The following ABCC4 variants were observed in gnomAD, a reference collection of about 807,000 sequenced individuals.
ABCC4 encodes ATP binding cassette subfamily C member 4 (PEL blood group).
A neutral mutation model predicts 168.5 loss-of-function variants in ABCC4; 102 were observed. The ratio of observed to expected loss-of-function variants is 0.61; its 90% confidence interval spans 0.52 to 0.71. The LOEUF (loss-of-function observed/expected upper bound fraction) is 0.71, where lower values mean the gene tolerates loss of function less well. Among genes scored for constraint, ABCC4 ranks in the 30% least tolerant of loss-of-function variants. The pLI is 0.00. For missense variants in ABCC4, 1,402 were observed against 1,605.8 expected, an observed-to-expected ratio of 0.87 and a Z score of 2.17; for synonymous variants, 617 against 590.7, an observed-to-expected ratio of 1.04 and a Z score of -0.65.
At chr13:95,202,870 G>C (rs2038671094) in intron 8 of ABCC4, among the ~76,000 whole-genome samples, 1 of 151,984 alleles carries the variant, frequency 6.6e-6, no homozygotes, top group Non-Finnish European at 1.5e-5. Flanking sequence ...ATGCTGGCCA[G>C]GCTGGTCTAG....
intron 8 of ABCC4, among the ~76,000 whole-genome samples, chr13:95,202,816 T>C (rs1169388264): frequency 6.6e-6 from 1 of 151,536 alleles, no homozygotes; most frequent in Non-Finnish European, 1.5e-5. Context: ...GCCCAGCTGA[T>C]TTTGTTGTTG....
rs578056554 is a variant in ABCC4 at position 95,113,343 on chromosome 13, T to G, written c.2535+2579A>C. 2.0e-5 allele frequency among the ~76,000 whole-genome samples: 3 copies of G among 152,318 alleles called. No homozygotes were observed. The South Asian group carries it at 6.2e-4, about 32-fold the overall frequency. On this transcript the variant is annotated intron_variant, in intron 20 of 30. Transcript: ENST00000645237. ...CATTCGGCTCAGCTAGCAGAGCTAA[T>G]AGGCTTCTAATTAATTTCCAGAAGA...
At chr13:95,211,309 G>A (rs1193198640) in intron 4 of ABCC4, among the ~76,000 whole-genome samples, 1 of 152,178 alleles carries the variant, frequency 6.6e-6, no homozygotes, top group Non-Finnish European at 1.5e-5. Context: ...CAGATACAGT[G>A]ACACAGTCAT....
intron 4 of ABCC4, among the ~76,000 whole-genome samples, chr13:95,212,499 G>C (rs988355722): frequency 3.3e-5 from 5 of 152,182 alleles, no homozygotes; most frequent in African/African-American, 1.2e-4. Context: ...CCCTTTTCAA[G>C]AAATCTGAAG....
intron 1 of ABCC4, among the ~76,000 whole-genome samples, chr13:95,292,983 G>T (rs1348465151): frequency 1.3e-5 from 2 of 152,100 alleles, no homozygotes; most frequent in Admixed American, 6.6e-5. Context: ...TGTAACAAAC[G>T]CTACCGGCTG....
intron 8 of ABCC4, 138 bp from the exon 9 acceptor site, chr13:95,195,075 C>T (rs539015810): frequency 3.1e-6 from 2 of 638,596 alleles, no homozygotes; most frequent in Non-Finnish European, 5.5e-6. Flanking sequence ...TTTAAAGTAT[C>T]GGTTCACATC....
At chr13:95,159,975 A>G (rs1216782089) in intron 19 of ABCC4, among the ~76,000 whole-genome samples, 1 of 152,172 alleles carries the variant, frequency 6.6e-6, no homozygotes, top group African/African-American at 2.4e-5. Context: ...ACCCAGTTTC[A>G]TGTGCTAGGA....
At chr13:95,191,177 C>T (rs1055525190) in intron 9 of ABCC4, among the ~76,000 whole-genome samples, 8 of 152,098 alleles carry the variant, frequency 5.3e-5, no homozygotes, top group African/African-American at 1.9e-4. Context: ...AGACAGAAAG[C>T]ACGGTGGGGG....
rs143679019 is a variant in ABCC4 at position 95,284,078 on chromosome 13, G to A, written c.74+17163C>T. ...TTAGCCGAGCGTGGTGGCATGTGTC[G>A]TATGCCTGTAATCCCAGCTACTGGG... On this transcript the variant is annotated intron_variant, in intron 1 of 30. Transcript: ENST00000645237. Among the ~76,000 whole-genome samples the A allele has an allele frequency of 2.7e-3, 406 of 151,980 alleles. 4 individuals are homozygous for A. Among genetic ancestry groups the A allele is most frequent in the African/African-American group, 9.4e-3 (388 of 41,462 alleles).
intron 1 of ABCC4, among the ~76,000 whole-genome samples, chr13:95,279,176 G>A (rs2041049753): frequency 6.6e-6 from 1 of 152,206 alleles, no homozygotes; most frequent in African/African-American, 2.4e-5. Context: ...ATGCTATGCT[G>A]TTGGAGGCAC....
At chr13:95,188,916 T>C (rs1295474168) in intron 9 of ABCC4, among the ~76,000 whole-genome samples, 1 of 152,138 alleles carries the variant, frequency 6.6e-6, no homozygotes, top group Non-Finnish European at 1.5e-5. Flanking sequence ...CTAGGATACA[T>C]GCGCAGAACG....
Position 95,205,960 on chromosome 13 carries a change from A to G in ABCC4, c.1161+572T>C, listed in dbSNP as rs182900308. Among the ~76,000 whole-genome samples the G allele has an allele frequency of 2.0e-5, 3 of 152,378 alleles. No individual in the cohort carries two copies. The East Asian group carries it at 5.8e-4, about 29-fold the overall frequency. ...GGAAATAAAGAAGTCTGGCAGAGATAGGTTCATCAACAGTAAGAAAAAAGT... is the reference window on the plus strand; with the variant it reads ...GGAAATAAAGAAGTCTGGCAGAGATGGGTTCATCAACAGTAAGAAAAAAGT... On this transcript the variant is annotated intron_variant, in intron 8 of 30. Transcript: ENST00000645237.
chr13:95,061,335 C>T (rs550300013), intron 26 of ABCC4, among the ~76,000 whole-genome samples: 8 of 152,292 alleles, frequency 5.3e-5, no homozygotes, highest in Non-Finnish European at 1.2e-4. Context: ...CAACAGTGCA[C>T]AGGGTTCCAA....
intron 3 of ABCC4, among the ~76,000 whole-genome samples, chr13:95,240,170 G>T (rs188303646): frequency 1.1e-4 from 16 of 152,318 alleles, no homozygotes; most frequent in Admixed American, 5.9e-4. Flanking sequence ...GTCACAAGAG[G>T]GGAGGAGGGA....
chr13:95,280,214 G>C (rs73548861), intron 1 of ABCC4, among the ~76,000 whole-genome samples: 4 of 151,866 alleles, frequency 2.6e-5, no homozygotes, highest in African/African-American at 7.3e-5. Context: ...TCAGGAGTTC[G>C]AGACCACCCT....
At chr13:95,129,280 G>A (rs1460615144) in intron 19 of ABCC4, among the ~76,000 whole-genome samples, 1 of 152,100 alleles carries the variant, frequency 6.6e-6, no homozygotes, top group East Asian at 1.9e-4. Context: ...AACCCAGATG[G>A]GTGCTTATTT....
intron 4 of ABCC4, among the ~76,000 whole-genome samples, chr13:95,222,340 C>G (rs2039332053): frequency 1.3e-5 from 2 of 152,208 alleles, no homozygotes; most frequent in Non-Finnish European, 2.9e-5. Context: ...CTCCAGACAC[C>G]AAGCATTGCC....
chr13:95,230,190 G>C (rs1250827898), intron 4 of ABCC4, among the ~76,000 whole-genome samples: 1 of 152,062 alleles, frequency 6.6e-6, no homozygotes, highest in Non-Finnish European at 1.5e-5. Context: ...CTTTTTATTT[G>C]GTAAAAGTTG....
intron 1 of ABCC4, 39 bp downstream of exon 1, chr13:95,301,202 G>T (rs2041671677): frequency 6.4e-7 from 1 of 1,554,056 alleles, no homozygotes; most frequent in South Asian, 1.2e-5. Context: ...CGCGGCGCCA[G>T]CGGCTGCAGG....
Sources: allele counts gnomAD v4.1 joint callset (sites outside exome capture counted in the v4.1 genomes callset), GRCh38; gene constraint gnomAD v4.1.1; transcripts MANE v1.5; gene names NCBI Gene and HGNC (gene_info 2026-07-23, HGNC 2026-07-21).